The following FHAD1 variants were observed in gnomAD, a reference collection of about 807,000 sequenced individuals.
The protein encoded by FHAD1 is forkhead associated phosphopeptide binding domain 1.
A neutral mutation model predicts 191.3 loss-of-function variants in FHAD1; 146 were observed. The ratio of observed to expected loss-of-function variants is 0.76; its 90% CI spans 0.67 to 0.88. The LOEUF (loss-of-function observed/expected upper bound fraction) is 0.88. Ranked by LOEUF, FHAD1 falls within the 40% of genes least tolerant of loss-of-function variation. The probability of loss-of-function intolerance (pLI) is 0.00; values close to 1 mark genes in which losing one functional copy is unlikely to be tolerated. For missense variants in FHAD1, 1,635 were observed against 1,785.8 expected (o/e 0.92, Z 1.52); for synonymous variants, 616 against 672.3 (o/e 0.92, Z 1.29).
At chr1:15,320,042 C>T (rs75667828) in intron 10 of FHAD1, among the ~76,000 whole-genome samples, 4,778 of 152,204 alleles carry the variant, frequency 0.031, 271 homozygotes, top group African/African-American at 0.11. Context: ...AGTCTTAGTA[C>T]GTAGTATTTT....
intron 25 of FHAD1, among the ~76,000 whole-genome samples, chr1:15,367,978 G>GT (rs750216261): frequency 2.3e-4 from 35 of 151,946 alleles, no homozygotes; most frequent in Non-Finnish European, 4.6e-4. Context: ...TTGTTTGTTT[G>GT]TTTTTTTGAG....
intron 1 of FHAD1, among the ~76,000 whole-genome samples, chr1:15,242,214 C>A (rs1185402134): frequency 1.6e-5 from 2 of 126,054 alleles, no homozygotes; most frequent in Non-Finnish European, 3.2e-5. Flanking sequence ...GCCTGGGCAA[C>A]AGAGCAAGAC....
intron 31 of FHAD1, among the ~76,000 whole-genome samples, chr1:15,387,331 A>G (rs1702378476): frequency 6.6e-6 from 1 of 152,182 alleles, no homozygotes; most frequent in African/African-American, 2.4e-5. Flanking sequence ...AAAAGTAGAA[A>G]TTGGTAGATG....
rs1356106943 is a variant in FHAD1 at position 15,365,489 on chromosome 1, T to TTTTTTTTTTTG, written c.3048-328_3048-327insGTTTTTTTTTT. Among the ~76,000 whole-genome samples the TTTTTTTTTTTG allele has an allele frequency of 2.1e-4, 31 of 145,814 alleles. 2 individuals are homozygous for TTTTTTTTTTTG. The highest frequency in any genetic ancestry group is 8.2e-4 in the African/African-American group (31 of 37,666). ...ACCACTATGCCTGGCTAATTTTTTTTTTTTTTTTTTTTGTAGAGACGGGGT... is the reference window on the plus strand; with the variant it reads ...ACCACTATGCCTGGCTAATTTTTTTTTTTTTTTTTTGTTTTTTTTTTTTGTAGAGACGGGGT... On this transcript the variant is annotated intron_variant, in intron 23 of 33. Coordinates refer to ENST00000688493, the MANE Select transcript of FHAD1 (RefSeq NM_001391957.1).
chr1:15,252,094 G>A (rs1263812184), intron 2 of FHAD1, among the ~76,000 whole-genome samples: 1 of 152,264 alleles, frequency 6.6e-6, no homozygotes, highest in East Asian at 1.9e-4. Flanking sequence ...AGCATGATGC[G>A]CTCCCATCCT....
At chr1:15,322,766 A>T (rs1280373247) in intron 10 of FHAD1, among the ~76,000 whole-genome samples, 1 of 152,230 alleles carries the variant, frequency 6.6e-6, no homozygotes, top group African/African-American at 2.4e-5. Context: ...ATGTTCTGGA[A>T]GGAAATAAAT....
In FHAD1 at chr1:15,327,458, C is replaced by T. The variant is rs2101791103; in HGVS notation, c.1557+316C>T. ...GGGAGCCGCCTCCCCACAGCCAGTG[C>T]GTTCTGGCGCGTTCCTTCAGAGGAG... On this transcript the variant is annotated intron_variant, in intron 12 of 33. Coordinates refer to ENST00000688493, the MANE Select transcript of FHAD1 (RefSeq NM_001391957.1). This position sits in a 1 kb window ranked among gnomAD's most constrained non-coding sequence, Gnocchi z 5.1. 1.3e-5 allele frequency: 3 copies of T among 237,836 alleles called. No homozygotes were observed. Among genetic ancestry groups the T allele is most frequent in the Non-Finnish European group, 8.1e-6 (1 of 122,754 alleles). 14.7% of individuals were successfully genotyped at this position (237,836 alleles called of 1,614,324 possible).
intron 33 of FHAD1, among the ~76,000 whole-genome samples, chr1:15,395,737 G>GACAGCTTTAAATGCAGCCCAAC (rs1705731358): frequency 6.6e-6 from 1 of 152,146 alleles, no homozygotes; most frequent in Non-Finnish European, 1.5e-5. Flanking sequence ...CGCAGCCCAG[G>GACAGCTTTAAATGCAGCCCAAC]ACAGCTTTAA....
chr1:15,318,320 A>G lies in FHAD1; in HGVS notation c.1365+392A>G, dbSNP rs1164521201. On this transcript the variant is annotated intron_variant, in intron 10 of 33. Coordinates refer to ENST00000688493, the MANE Select transcript of FHAD1 (RefSeq NM_001391957.1). This position sits in a 1 kb window ranked among gnomAD's most constrained non-coding sequence, Gnocchi z 4.1. ...CCAGACCTGCGCTATCCATAACAGTAGCCACTAACCGCGCATGGCTATTTA... is the reference window on the plus strand; with the variant it reads ...CCAGACCTGCGCTATCCATAACAGTGGCCACTAACCGCGCATGGCTATTTA... Among the ~76,000 whole-genome samples the G allele has an allele frequency of 2.0e-5, 3 of 152,240 alleles. No individual in the cohort carries two copies.
chr1:15,333,345 G>T (rs1682510562), intron 14 of FHAD1, among the ~76,000 whole-genome samples: 1 of 152,154 alleles, frequency 6.6e-6, no homozygotes, highest in South Asian at 2.1e-4. Flanking sequence ...TGGGGAGGAG[G>T]AGGGAAGAGG....
rs114662640 is a variant in FHAD1 at position 15,343,275 on chromosome 1, G to A, written c.2130+1387G>A. ...GCTGTGGGATTTCTAAGCACTCCCG[G>A]GTGGTCGCAAAGTGCAGCCACGGTT... On this transcript the variant is annotated intron_variant, in intron 16 of 33. Transcript: ENST00000688493. Among the ~76,000 whole-genome samples the A allele has an allele frequency of 7.2e-3, 1,099 of 152,248 alleles. 19 individuals are homozygous for A. The highest frequency in any genetic ancestry group is 0.025 in the African/African-American group (1,049 of 41,534).
intron 24 of FHAD1, 82 bp from the exon 25 acceptor site, chr1:15,367,381 A>G (rs1333252798): frequency 1.4e-6 from 2 of 1,462,118 alleles, no homozygotes; most frequent in African/African-American, 2.8e-5. Context: ...CCGTAATCCC[A>G]CGTACACAAG....
Position 15,380,800 on chromosome 1 carries a change from T to A in FHAD1, c.3801+4T>A. 6.4e-7 allele frequency: 1 copy of A among 1,550,994 alleles called. No homozygotes were observed. The highest frequency in any genetic ancestry group is 8.7e-7 in the Non-Finnish European group (1 of 1,146,586). ...TTTAGAGCTCAGTGAAAAGCTGGTA[T>A]GTACATCCAGCATCCACCCTGCTCC... On this transcript the variant is annotated splice_donor_region_variant and intron_variant, in intron 29 of 33. Transcript: ENST00000688493.
intron 6 of FHAD1, 89 bp from the exon 7 acceptor site, chr1:15,308,524 T>G: frequency 6.7e-7 from 1 of 1,500,866 alleles, no homozygotes; most frequent in Non-Finnish European, 8.9e-7. Flanking sequence ...AAACTCAATC[T>G]GAATCTTTCT....
rs757814459 is a variant in FHAD1, at chr1:15,289,700, G to A, written c.568+34G>A. Reference sequence around the variant, plus strand: ...CAGGGCTGCCATTGGTGGCTTGGGGGTGGTTCACGGCCATGTGGATGGGTC... The same window carrying A: ...CAGGGCTGCCATTGGTGGCTTGGGGATGGTTCACGGCCATGTGGATGGGTC... On this transcript the variant is annotated intron_variant, in intron 4 of 33. Transcript: ENST00000688493. This position sits in a 1 kb window ranked among gnomAD's most constrained non-coding sequence, Gnocchi z 4.2. 1.3e-6 allele frequency: 2 copies of A among 1,527,894 alleles called. No homozygotes were observed. Among genetic ancestry groups the A allele is most frequent in the South Asian group, 1.2e-5 (1 of 82,704 alleles). The allele number at this position is 1,527,894 out of a possible 1,614,324, so 94.6% of individuals were successfully genotyped here. A position where few individuals can be genotyped will look rare whatever the true frequency, so the allele number is the denominator to read the frequency against.
Position 15,289,351 on chromosome 1 carries a change from C to A in FHAD1, c.301-48C>A. ...TGTGGCTGGGACAAAGAAATGGAGA[C>A]CATCCCAGCCGGTCATAACCTCCCC... On this transcript the variant is annotated intron_variant, in intron 3 of 33. Transcript: ENST00000688493. The surrounding 1 kb of genome is among the most constrained non-coding windows in gnomAD (Gnocchi z 4.2). The A allele has an allele frequency of 1.3e-6, 2 of 1,528,638 alleles. No homozygotes were observed. The highest frequency in any genetic ancestry group is 2.0e-5 in the Admixed American group (1 of 49,688). 94.7% of individuals were successfully genotyped at this position (1,528,638 alleles called of 1,614,324 possible). A position where few individuals can be genotyped will look rare whatever the true frequency, so the allele number is the denominator to read the frequency against.
At chr1:15,277,662 A>G (rs1658898320) in intron 3 of FHAD1, among the ~76,000 whole-genome samples, 1 of 152,130 alleles carries the variant, frequency 6.6e-6, no homozygotes, top group Non-Finnish European at 1.5e-5. Context: ...CTGCCACTTC[A>G]CATGCTCATG....
intron 32 of FHAD1, among the ~76,000 whole-genome samples, chr1:15,389,570 G>C (rs926120497): frequency 1.3e-5 from 2 of 151,532 alleles, no homozygotes; most frequent in Non-Finnish European, 2.9e-5. Context: ...CTAACTTTGT[G>C]ATAAATGTTT....
chr1:15,271,768 C>T (rs150456513), intron 2 of FHAD1, among the ~76,000 whole-genome samples: 2,330 of 152,190 alleles, frequency 0.015, 56 homozygotes, highest in African/African-American at 0.053. Context: ...CAATGTTAAC[C>T]ATGGCTGCCA....
Sources: allele counts gnomAD v4.1 joint callset (sites outside exome capture counted in the v4.1 genomes callset), GRCh38; gene constraint gnomAD v4.1.1; non-coding constraint Gnocchi (gnomAD v3.1); transcripts MANE v1.5; gene names NCBI Gene and HGNC (gene_info 2026-07-23, HGNC 2026-07-21).